The following IQGAP2 variants were observed in gnomAD, a reference collection of about 807,000 sequenced individuals.
IQGAP2 encodes the protein IQ motif containing GTPase activating protein 2.
In IQGAP2, 173 loss-of-function variants were observed where a neutral mutation model predicts 201.3. The ratio of observed to expected loss-of-function variants is 0.86; its 90% CI spans 0.76 to 0.98. The LOEUF (loss-of-function observed/expected upper bound fraction) is 0.98. IQGAP2 is among the 50% of genes least tolerant of loss of function. The pLI is 0.00. For synonymous variants in IQGAP2, 675 were observed against 673.9 expected (o/e 1.00, Z -0.03); for missense variants, 1,687 against 1,864.8 (o/e 0.90, Z 1.76).
At chr5:76,421,652 G>A (rs1011503728) in intron 1 of IQGAP2, among the ~76,000 whole-genome samples, 1 of 152,110 alleles carries the variant, frequency 6.6e-6, no homozygotes, top group Non-Finnish European at 1.5e-5. Flanking sequence ...TTACTTCTTT[G>A]TGACTTCAGG....
intron 2 of IQGAP2, among the ~76,000 whole-genome samples, chr5:76,517,090 T>G (rs1318504271): frequency 6.6e-6 from 1 of 152,094 alleles, no homozygotes. Flanking sequence ...TGGTAGTCAG[T>G]AGTAATTCTG....
At chr5:76,695,745 A>T in intron 32 of IQGAP2, 79 bp downstream of exon 32, 9 of 951,124 alleles carry the variant, frequency 9.5e-6, no homozygotes, top group East Asian at 3.3e-5. Flanking sequence ...GCACTCTGTG[A>T]GGTGGCATTA....
chr5:76,644,263 G>T (rs1751826241), intron 17 of IQGAP2, among the ~76,000 whole-genome samples: 1 of 144,130 alleles, frequency 6.9e-6, no homozygotes, highest in Non-Finnish European at 1.5e-5. Context: ...CCCATACCAG[G>T]CAGGAGAATG....
chr5:76,548,810 T>G (rs1743256733), intron 2 of IQGAP2, among the ~76,000 whole-genome samples: 1 of 152,234 alleles, frequency 6.6e-6, no homozygotes, highest in Non-Finnish European at 1.5e-5. Context: ...AGTCTCATTA[T>G]AGCAGAAACC....
intron 13 of IQGAP2, among the ~76,000 whole-genome samples, chr5:76,613,915 A>C (rs1748644237): frequency 6.6e-6 from 1 of 151,662 alleles, no homozygotes; most frequent in Non-Finnish European, 1.5e-5. Context: ...CTGGTCTTGA[A>C]CTCCTGACCT....
intron 32 of IQGAP2, among the ~76,000 whole-genome samples, chr5:76,697,403 G>C (rs996199944): frequency 6.6e-6 from 1 of 152,190 alleles, no homozygotes; most frequent in Non-Finnish European, 1.5e-5. Context: ...CAGCACTTCG[G>C]GAGGCCGAGG....
rs12657853 is a variant in IQGAP2 at position 76,464,126 on chromosome 5, C to T, written c.146+2457C>T. On this transcript the variant is annotated intron_variant, in intron 2 of 35. Coordinates refer to ENST00000274364, the MANE Select transcript of IQGAP2 (RefSeq NM_006633.5). ...GCTCCCAAAGTGCTGGGATGACAGGCGTGAGCCACTCACTGTACTCGGCCA... is the reference window on the plus strand; with the variant it reads ...GCTCCCAAAGTGCTGGGATGACAGGTGTGAGCCACTCACTGTACTCGGCCA... Among the ~76,000 whole-genome samples the T allele has an allele frequency of 5.0e-3, 765 of 152,172 alleles. 49 individuals carry two copies. In the East Asian group the frequency reaches 0.12, roughly 24 times the overall value.
intron 4 of IQGAP2, among the ~76,000 whole-genome samples, chr5:76,572,283 G>A (rs1015576865): frequency 1.4e-5 from 2 of 147,664 alleles, no homozygotes; most frequent in Non-Finnish European, 3.0e-5. Flanking sequence ...GCACAATCTC[G>A]GCTCACTGCA....
intron 1 of IQGAP2, among the ~76,000 whole-genome samples, chr5:76,419,523 A>C (rs1046029221): frequency 6.6e-6 from 1 of 152,036 alleles, no homozygotes; most frequent in African/African-American, 2.4e-5. Flanking sequence ...TTTTTAGTAG[A>C]TACAGGGTTT....
At chr5:76,592,775 G>A in intron 8 of IQGAP2, 63 bp from the exon 9 acceptor site, 1 of 1,078,586 alleles carries the variant, frequency 9.3e-7, no homozygotes, top group Non-Finnish European at 1.4e-6. Context: ...TTTTCCATTT[G>A]AATTTCGAGT....
At chr5:76,658,013 A>G (rs1352323486) in intron 20 of IQGAP2, among the ~76,000 whole-genome samples, 1 of 152,070 alleles carries the variant, frequency 6.6e-6, no homozygotes. Flanking sequence ...CTCCTTCCCA[A>G]AGATCCTTTG....
chr5:76,669,081 A>G (rs964546432), intron 23 of IQGAP2, among the ~76,000 whole-genome samples: 2 of 152,198 alleles, frequency 1.3e-5, no homozygotes, highest in Non-Finnish European at 2.9e-5. Flanking sequence ...TATGCCTGTA[A>G]CAACTGAAAA....
At chr5:76,583,250 C>T (rs923606046) in intron 5 of IQGAP2, among the ~76,000 whole-genome samples, 5 of 151,978 alleles carry the variant, frequency 3.3e-5, no homozygotes, top group African/African-American at 1.2e-4. Flanking sequence ...AATTTAAATG[C>T]TTGGGAAGGA....
chr5:76,623,347 G>T, intron 13 of IQGAP2: 1 of 1,278,972 alleles, frequency 7.8e-7, no homozygotes, highest in South Asian at 1.3e-5. Context: ...GTCTGTAGAA[G>T]TTTGCTCTCC....
chr5:76,416,387 T>C (rs1751404409), intron 1 of IQGAP2, among the ~76,000 whole-genome samples: 2 of 152,174 alleles, frequency 1.3e-5, no homozygotes, highest in African/African-American at 4.8e-5. Context: ...CATTATGCTG[T>C]AAAATGGAGG....
intron 3 of IQGAP2, among the ~76,000 whole-genome samples, chr5:76,567,836 C>G (rs1410122069): frequency 1.3e-5 from 2 of 151,080 alleles, no homozygotes; most frequent in African/African-American, 4.9e-5. Context: ...CTCATCTATG[C>G]AGTTTAAACT....
intron 1 of IQGAP2, among the ~76,000 whole-genome samples, chr5:76,446,569 CCTT>C (rs1753404503): frequency 6.6e-6 from 1 of 152,160 alleles, no homozygotes; most frequent in African/African-American, 2.4e-5. Flanking sequence ...CTAGAACCCT[CCTT>C]CTGTGTTTCA....
At chr5:76,700,579 A>G (rs1174477784) in intron 33 of IQGAP2, among the ~76,000 whole-genome samples, 3 of 152,326 alleles carry the variant, frequency 2.0e-5, no homozygotes, top group Admixed American at 6.5e-5. Context: ...GCTACATGAT[A>G]TAGTATATAG....
chr5:76,406,524 T>C lies in IQGAP2; in HGVS notation c.46+2933T>C, dbSNP rs148109812. Among the ~76,000 whole-genome samples the C allele has an allele frequency of 2.8e-4, 43 of 152,386 alleles. No individual in the cohort carries two copies. In the East Asian group the frequency reaches 8.1e-3, roughly 29 times the overall value. Reference sequence around the variant, plus strand: ...CATAGTATGTACTATATATTGTATGTATAGTATTTTTCTATACTCAACCAA... The same window carrying C: ...CATAGTATGTACTATATATTGTATGCATAGTATTTTTCTATACTCAACCAA... On this transcript the variant is annotated intron_variant, in intron 1 of 35. Coordinates refer to ENST00000274364, the MANE Select transcript of IQGAP2 (RefSeq NM_006633.5).
Sources: allele counts gnomAD v4.1 joint callset (sites outside exome capture counted in the v4.1 genomes callset), GRCh38; gene constraint gnomAD v4.1.1; transcripts MANE v1.5; gene names NCBI Gene and HGNC (gene_info 2026-07-23, HGNC 2026-07-21).